The following DOCK1 variants were observed in gnomAD, a reference collection of about 807,000 sequenced individuals.
DOCK1 encodes the protein dedicator of cytokinesis 1.
Under a neutral mutation model 262.7 loss-of-function variants are expected in DOCK1, and 138 were observed. That is an observed-to-expected ratio of 0.53 (90% confidence interval 0.46 to 0.61). The LOEUF is 0.61. Ranked by LOEUF, DOCK1 falls within the 20% of genes least tolerant of loss-of-function variation. The pLI, the probability that DOCK1 is intolerant of heterozygous loss-of-function variation, is 0.00. For synonymous variants in DOCK1, 866 were observed against 867.4 expected, an observed-to-expected ratio of 1.00 and a Z score of 0.03; for missense variants, 1,908 against 2,370.7, an observed-to-expected ratio of 0.80 and a Z score of 4.05.
At chr10:127,189,126 C>A (rs1489443430) in intron 27 of DOCK1, among the ~76,000 whole-genome samples, 1 of 152,190 alleles carries the variant, frequency 6.6e-6, no homozygotes, top group Non-Finnish European at 1.5e-5. Flanking sequence ...GCAGGACCTA[C>A]GAGACACAAG....
chr10:127,284,118 T>C (rs2061062091), intron 29 of DOCK1, among the ~76,000 whole-genome samples: 1 of 152,228 alleles, frequency 6.6e-6, no homozygotes, highest in Non-Finnish European at 1.5e-5. Context: ...TTTCTGTTTT[T>C]GTAAACTATT....
intron 27 of DOCK1, among the ~76,000 whole-genome samples, chr10:127,205,051 T>G (rs147213226): frequency 3.7e-4 from 56 of 152,248 alleles, no homozygotes; most frequent in Admixed American, 1.0e-3. Context: ...TTGATGGTTT[T>G]TTTTTTCTTC....
chr10:127,117,346 G>A (rs2049253594), intron 25 of DOCK1, among the ~76,000 whole-genome samples: 1 of 152,200 alleles, frequency 6.6e-6, no homozygotes, highest in Non-Finnish European at 1.5e-5. Context: ...GGTGCTGATT[G>A]AGGAGGTGGC....
intron 27 of DOCK1, among the ~76,000 whole-genome samples, chr10:127,203,941 G>T (rs986295550): frequency 6.6e-6 from 1 of 151,540 alleles, no homozygotes; most frequent in Admixed American, 6.6e-5. Context: ...AGGGAATTTG[G>T]CTTGTAAATG....
intron 29 of DOCK1, among the ~76,000 whole-genome samples, chr10:127,272,908 C>T (rs746165669): frequency 3.6e-4 from 55 of 152,292 alleles, no homozygotes; most frequent in South Asian, 8.3e-4. Context: ...AGGAACAGCA[C>T]GAAAGACCTG....
At chr10:127,037,866 TTA>T in intron 19 of DOCK1, 50 bp downstream of exon 19, 1 of 1,140,886 alleles carries the variant, frequency 8.8e-7, no homozygotes, top group Non-Finnish European at 1.2e-6. Context: ...TTTTTTTTTT[TTA>T]ATGTATGTTA....
chr10:127,151,966 G>A (rs965451823), intron 27 of DOCK1, among the ~76,000 whole-genome samples: 2 of 151,964 alleles, frequency 1.3e-5, no homozygotes, highest in African/African-American at 4.8e-5. Context: ...TGGATTTAGA[G>A]CTAAGTTCAT....
At chr10:127,269,990 G>C (rs1419875621) in intron 29 of DOCK1, among the ~76,000 whole-genome samples, 1 of 152,170 alleles carries the variant, frequency 6.6e-6, no homozygotes, top group East Asian at 1.9e-4. Context: ...GAGCCTCTCA[G>C]GAACCGGGGA....
intron 27 of DOCK1, among the ~76,000 whole-genome samples, chr10:127,160,575 A>G: frequency 6.6e-6 from 1 of 152,364 alleles, no homozygotes; most frequent in African/African-American, 2.4e-5. Context: ...GTCAGGGAGC[A>G]GCACGTTGGA....
chr10:127,282,063 G>A (rs895521615), intron 29 of DOCK1, among the ~76,000 whole-genome samples: 32 of 152,138 alleles, frequency 2.1e-4, no homozygotes, highest in African/African-American at 7.5e-4. Flanking sequence ...AAGAGTTTAC[G>A]AATTTGTGTT....
chr10:127,204,477 G>C (rs2057620821), intron 27 of DOCK1, among the ~76,000 whole-genome samples: 1 of 152,050 alleles, frequency 6.6e-6, no homozygotes, highest in African/African-American at 2.4e-5. Flanking sequence ...AGTGGACTTA[G>C]GGTTTCACCA....
chr10:127,332,647 A>C (rs1254670172), intron 29 of DOCK1, among the ~76,000 whole-genome samples: 1 of 152,164 alleles, frequency 6.6e-6, no homozygotes, highest in Non-Finnish European at 1.5e-5. Context: ...TCCCAAAGAC[A>C]CGAGGCAGAT....
intron 23 of DOCK1, among the ~76,000 whole-genome samples, chr10:127,067,966 T>C (rs933675305): frequency 2.6e-5 from 4 of 152,044 alleles, no homozygotes; most frequent in Admixed American, 6.6e-5. Flanking sequence ...AGGTTTGTCT[T>C]CCTTCTGGGG....
chr10:127,367,518 C>T (rs2064988986), intron 33 of DOCK1, among the ~76,000 whole-genome samples: 2 of 151,854 alleles, frequency 1.3e-5, no homozygotes. Flanking sequence ...GGGGAGGTGG[C>T]GATGAAGCTC....
Position 127,032,288 on chromosome 10 carries a change from C to A in DOCK1, c.1880C>A (p.Thr627Lys). 6.3e-7 allele frequency: 1 copy of A among 1,581,550 alleles called. No homozygotes were observed. The change falls in exon 18 of 52, where the codon ACG (threonine) becomes AAG (lysine). Residue 627 changes from threonine to lysine, a missense_variant. Thr to Lys is a moderately conservative substitution (Grantham distance 78). This residue lies in a region of DOCK1 where 294 missense variants were observed against 439.9 expected (regional missense o/e 0.67). Transcript: ENST00000623213. ...AGCAAGGACTCCTTCCAGATCTCCA[C>A]GCTCGTGTGCTCCACCAAACTGACT... ...TISKDSFQIS[T>K]LVCSTKLTQN...
intron 1 of DOCK1, among the ~76,000 whole-genome samples, chr10:126,957,163 T>C (rs1054669780): frequency 1.3e-5 from 2 of 152,198 alleles, no homozygotes; most frequent in African/African-American, 4.8e-5. Context: ...AATTTTACTT[T>C]TTTATCAAAG....
intron 17 of DOCK1, 123 bp downstream of exon 17, chr10:127,031,876 T>G: frequency 1.0e-6 from 1 of 965,026 alleles, no homozygotes. Flanking sequence ...CATTTAATTA[T>G]GCAAATGAAC....
At chr10:127,059,505 G>A (rs2045393834) in intron 22 of DOCK1, among the ~76,000 whole-genome samples, 1 of 151,932 alleles carries the variant, frequency 6.6e-6, no homozygotes, top group African/African-American at 2.4e-5. Context: ...CAGTACTTCT[G>A]TTTAGTTATT....
chr10:127,268,497 C>T (rs1303906174), intron 29 of DOCK1, among the ~76,000 whole-genome samples: 1 of 97,002 alleles, frequency 1.0e-5, no homozygotes, highest in Non-Finnish European at 2.0e-5. Context: ...GACCGAGACT[C>T]CACCTCAAAA....
Sources: gnomAD v4.1 joint callset for allele counts (sites outside exome capture counted in the v4.1 genomes callset) on GRCh38, gnomAD v4.1.1 for gene constraint, gnomAD v4.1.1 regional missense constraint, MANE v1.5 for transcripts, NCBI Gene and HGNC (gene_info 2026-07-23, HGNC 2026-07-21) for gene names.